The following PTPRN2 variants were observed in gnomAD, a reference collection of about 807,000 sequenced individuals.
PTPRN2 encodes receptor-type tyrosine-protein phosphatase N2.
PTPRN2 carries 74 observed loss-of-function variants against 118.8 expected under a neutral mutation model. That is an observed-to-expected ratio of 0.62 (90% CI 0.52 to 0.76). The LOEUF is 0.76. Among genes scored for constraint, PTPRN2 ranks in the 30% least tolerant of loss-of-function variants. The probability of loss-of-function intolerance (pLI) is 0.00; values close to 1 mark genes in which losing one functional copy is unlikely to be tolerated. For missense variants in PTPRN2, 1,481 were observed against 1,394.4 expected, an observed-to-expected ratio of 1.06 and a Z score of -0.99; for synonymous variants, 641 against 608.0, an observed-to-expected ratio of 1.05 and a Z score of -0.80.
At chr7:158,437,448 A>C (rs557662833) in intron 2 of PTPRN2, among the ~76,000 whole-genome samples, 42 of 152,330 alleles carry the variant, frequency 2.8e-4, no homozygotes, top group African/African-American at 9.6e-4. Context: ...TTGCTTCTTG[A>C]CAACTGAAAT....
intron 10 of PTPRN2, among the ~76,000 whole-genome samples, chr7:158,107,629 TC>T (rs1815793668): frequency 6.6e-6 from 1 of 152,014 alleles, no homozygotes; most frequent in African/African-American, 2.4e-5. Flanking sequence ...ACTGTGTAGA[TC>T]AACACACACT....
At chr7:158,250,762 TG>T (rs2150891847) in intron 3 of PTPRN2, among the ~76,000 whole-genome samples, 1 of 152,374 alleles carries the variant, frequency 6.6e-6, no homozygotes, top group South Asian at 2.1e-4. Flanking sequence ...CAACATCAGC[TG>T]ACTCTTAGCA....
intron 10 of PTPRN2, among the ~76,000 whole-genome samples, chr7:158,108,308 C>T (rs1030354541): frequency 6.6e-6 from 1 of 152,128 alleles, no homozygotes; most frequent in Non-Finnish European, 1.5e-5. Context: ...CCGCCTTGCA[C>T]CTGCTCCCTC....
rs867945806 is a variant in PTPRN2, at chr7:157,964,337, C to G, written c.1724-65600G>C. Among the ~76,000 whole-genome samples, 1 of 152,054 alleles carries G rather than the reference C, an allele frequency of 6.6e-6. No homozygotes were observed. The highest frequency in any genetic ancestry group is 1.5e-5 in the Non-Finnish European group (1 of 67,986). On this transcript the variant is annotated intron_variant, in intron 11 of 22. Transcript: ENST00000389418. The surrounding 1 kb of genome is among the most constrained non-coding windows in gnomAD (Gnocchi z 9.0). ...AGATGTGGAAGCTGGACCCCACCCC[C>G]CAGGCTAATTCATCAGCAAGATGTT...
chr7:157,787,106 G>A lies in PTPRN2; in HGVS notation c.1789-104169C>T, dbSNP rs1355016655. On this transcript the variant is annotated intron_variant, in intron 12 of 22. Transcript: ENST00000389418. The surrounding 1 kb of genome is among the most constrained non-coding windows in gnomAD (Gnocchi z 5.3). Reference sequence around the variant, plus strand: ...ACGCGGGGGTGGCTGCCCGGGAGGCGGACGCGGGTGCGGCGGGGGACGCGG... The same window carrying A: ...ACGCGGGGGTGGCTGCCCGGGAGGCAGACGCGGGTGCGGCGGGGGACGCGG... Among the ~76,000 whole-genome samples the A allele has an allele frequency of 1.2e-4, 16 of 136,820 alleles. No homozygotes were observed. Among genetic ancestry groups the A allele is most frequent in the African/African-American group, 3.0e-4 (11 of 36,982 alleles). The allele number at this position is 136,820 out of a possible 152,430, so 89.8% of individuals were successfully genotyped here. A position where few individuals can be genotyped will look rare whatever the true frequency, so the allele number is the denominator to read the frequency against.
intron 11 of PTPRN2, among the ~76,000 whole-genome samples, chr7:158,007,996 G>C (rs1176821029): frequency 6.8e-6 from 1 of 147,138 alleles, no homozygotes; most frequent in East Asian, 2.1e-4. Context: ...TGTGGGGTAT[G>C]TACTTGTGCA....
At position 157,621,527 on chromosome 7, in the gene PTPRN2, G is replaced by A; in HGVS notation, c.2197-18C>T. 3.1e-6 allele frequency: 5 copies of A among 1,610,182 alleles called. No individual in the cohort carries two copies. Among genetic ancestry groups the A allele is most frequent in the Non-Finnish European group, 3.4e-6 (4 of 1,179,974 alleles). ...ATGTAGGACTGAAAGGGAAACACAG[G>A]GTCAGGAGCGCACCTAGGTGGTGAG... On this transcript the variant is annotated intron_variant, in intron 14 of 22. Transcript: ENST00000389418.
intron 19 of PTPRN2, among the ~76,000 whole-genome samples, chr7:157,573,679 A>G (rs1184839521): frequency 6.6e-6 from 1 of 152,212 alleles, no homozygotes; most frequent in African/African-American, 2.4e-5. Flanking sequence ...AAAATGCAGT[A>G]ATAACCCCCT....
chr7:158,363,990 T>A (rs942375324), intron 2 of PTPRN2, among the ~76,000 whole-genome samples: 16 of 152,146 alleles, frequency 1.1e-4, no homozygotes, highest in African/African-American at 3.9e-4. Context: ...TCCCCAGACA[T>A]CGCCTCCTGC....
Position 157,787,608 on chromosome 7 carries a change from C to G in PTPRN2, c.1789-104671G>C, listed in dbSNP as rs1804149710. ...AGAGAGAGAGGCAGAGGAGAGTGGC[C>G]GTGACCTGGAGGACAAGGACATGCA... is the stretch of plus-strand genomic sequence containing the variant. On this transcript the variant is annotated intron_variant, in intron 12 of 22. Coordinates refer to ENST00000389418, the MANE Select transcript of PTPRN2 (RefSeq NM_002847.5). This position sits in a 1 kb window ranked among gnomAD's most constrained non-coding sequence, Gnocchi z 5.3. 6.6e-6 allele frequency among the ~76,000 whole-genome samples: 1 copy of G among 152,110 alleles called. No homozygotes were observed. Among genetic ancestry groups the G allele is most frequent in the Non-Finnish European group, 1.5e-5 (1 of 68,012 alleles).
chr7:157,601,560 G>A (rs1049937968), intron 16 of PTPRN2, among the ~76,000 whole-genome samples: 5 of 152,238 alleles, frequency 3.3e-5, no homozygotes, highest in African/African-American at 1.2e-4. Context: ...AGTAAGGCCT[G>A]GAGAGGGAGT....
chr7:157,659,475 G>A (rs1205103831), intron 13 of PTPRN2, among the ~76,000 whole-genome samples: 18 of 132,488 alleles, frequency 1.4e-4, no homozygotes, highest in Non-Finnish European at 2.5e-4. Flanking sequence ...GGATGGGGGG[G>A]GCGGGGGGGA....
intron 3 of PTPRN2, among the ~76,000 whole-genome samples, chr7:158,262,121 C>T (rs1797443085): frequency 6.6e-6 from 1 of 152,270 alleles, no homozygotes; most frequent in Admixed American, 6.5e-5. Context: ...AGGGTCACAC[C>T]CTCGAGGCCA....
intron 5 of PTPRN2, among the ~76,000 whole-genome samples, chr7:158,184,158 A>AT (rs1212248739): frequency 6.6e-6 from 1 of 151,862 alleles, no homozygotes; most frequent in Admixed American, 6.6e-5. Context: ...CTAGTTATCA[A>AT]TTTTTTTTAA....
At chr7:158,494,728 A>G (rs1821703591) in intron 1 of PTPRN2, among the ~76,000 whole-genome samples, 1 of 152,040 alleles carries the variant, frequency 6.6e-6, no homozygotes, top group South Asian at 2.1e-4. Context: ...GAACGCCAGG[A>G]CCCCGTGGCT....
At chr7:157,577,663 G>T (rs1258276177) in intron 18 of PTPRN2, among the ~76,000 whole-genome samples, 1 of 152,208 alleles carries the variant, frequency 6.6e-6, no homozygotes, top group East Asian at 1.9e-4. Context: ...CCGGGACCAC[G>T]CTGTGAGGCG....
At chr7:157,992,331 T>A (rs553423839) in intron 11 of PTPRN2, among the ~76,000 whole-genome samples, 1 of 152,096 alleles carries the variant, frequency 6.6e-6, no homozygotes, top group Non-Finnish European at 1.5e-5. Context: ...TGGCCCCGAG[T>A]CTCTCGCTCT....
At chr7:158,020,805 T>A (rs1806818648) in intron 11 of PTPRN2, among the ~76,000 whole-genome samples, 1 of 152,088 alleles carries the variant, frequency 6.6e-6, no homozygotes, top group African/African-American at 2.4e-5. Context: ...TTTTGCTGAA[T>A]AAAAAGGGAA....
intron 11 of PTPRN2, among the ~76,000 whole-genome samples, chr7:157,915,063 T>A (rs985819434): frequency 6.6e-6 from 1 of 152,206 alleles, no homozygotes; most frequent in African/African-American, 2.4e-5. Context: ...CCTCCTATGT[T>A]CCTTTAATCA....
Sources: allele counts gnomAD v4.1 joint callset (sites outside exome capture counted in the v4.1 genomes callset), GRCh38; gene constraint gnomAD v4.1.1; non-coding constraint Gnocchi (gnomAD v3.1); transcripts MANE v1.5; gene names NCBI Gene and HGNC (gene_info 2026-07-23, HGNC 2026-07-21).